MEIKIN: variants seen among roughly 807,000 people sequenced by gnomAD.
MEIKIN encodes the protein meiotic kinetochore factor.
At chr5:131,845,222 A>C (rs536832624) in intron 11 of MEIKIN, among the ~76,000 whole-genome samples, 4 of 139,756 alleles carry the variant, frequency 2.9e-5, no homozygotes, top group African/African-American at 1.1e-4. Context: ...GTGAGCCGAG[A>C]TGGCACCACT....
intron 8 of MEIKIN, among the ~76,000 whole-genome samples, chr5:131,882,935 C>A (rs1750722658): frequency 6.6e-6 from 1 of 152,182 alleles, no homozygotes; most frequent in African/African-American, 2.4e-5. Flanking sequence ...CTCAGAGAGG[C>A]CTATCCTGAT....
chr5:131,814,131 C>G (rs941289405), intron 12 of MEIKIN, among the ~76,000 whole-genome samples: 15 of 152,018 alleles, frequency 9.9e-5, no homozygotes, highest in African/African-American at 3.6e-4. Context: ...CTCTCCCAGT[C>G]CACTGACTCA....
At chr5:131,918,234 C>T (rs188078709) in intron 6 of MEIKIN, among the ~76,000 whole-genome samples, 1 of 152,246 alleles carries the variant, frequency 6.6e-6, no homozygotes, top group Non-Finnish European at 1.5e-5. Context: ...TGGATCCTAC[C>T]GATATCATTT....
intron 11 of MEIKIN, among the ~76,000 whole-genome samples, chr5:131,845,300 A>AAAAAAAAAAAAAAAAAAAAAAAAG (rs1749997608): frequency 6.7e-6 from 1 of 148,414 alleles, no homozygotes; most frequent in Admixed American, 6.7e-5. Flanking sequence ...AAAAAAAAAA[A>AAAAAAAAAAAAAAAAAAAAAAAAG]GATGGCAAAG....
chr5:131,896,936 T>C (rs953952033), intron 8 of MEIKIN, among the ~76,000 whole-genome samples: 4 of 152,236 alleles, frequency 2.6e-5, no homozygotes, highest in Admixed American at 2.0e-4. Flanking sequence ...TGATGTTAGC[T>C]GGTTATTTTG....
At chr5:131,885,474 GTC>G (rs1750778815) in intron 8 of MEIKIN, among the ~76,000 whole-genome samples, 1 of 151,554 alleles carries the variant, frequency 6.6e-6, no homozygotes, top group African/African-American at 2.4e-5. Context: ...AAGAAAAAGA[GTC>G]TCTGCCTGGT....
chr5:131,878,668 G>C (rs1038819944), intron 9 of MEIKIN, among the ~76,000 whole-genome samples: 3 of 152,038 alleles, frequency 2.0e-5, no homozygotes, highest in Non-Finnish European at 4.4e-5. Context: ...CCATGAGTTT[G>C]AGATGAGCCT....
chr5:131,898,416 A>T (rs1222216556), intron 8 of MEIKIN, among the ~76,000 whole-genome samples: 5 of 152,238 alleles, frequency 3.3e-5, no homozygotes, highest in Non-Finnish European at 7.3e-5. Flanking sequence ...GTCCATTCTC[A>T]GAGCTCAAAC....
rs866095246 is a variant in MEIKIN, at chr5:131,885,381, G to A, written c.704-6333C>T. ...AGAGAGAGAGAGAGAGAGAGAGAGA[G>A]AGAGAGAGAGAGAGAGAGAGAGAGA... On this transcript the variant is annotated intron_variant, in intron 8 of 12. Transcript: ENST00000442687. Among the ~76,000 whole-genome samples, 189 of 91,452 alleles carry A rather than the reference G, an allele frequency of 2.1e-3. 2 individuals carry two copies. The highest frequency in any genetic ancestry group is 7.0e-3 in the African/African-American group (155 of 22,008). The allele number at this position is 91,452 out of a possible 152,430, so 60.0% of individuals were successfully genotyped here. A position where few individuals can be genotyped will look rare whatever the true frequency, so the allele number is the denominator to read the frequency against.
chr5:131,843,685 G>A (rs987132087), intron 11 of MEIKIN, among the ~76,000 whole-genome samples: 22 of 152,146 alleles, frequency 1.4e-4, no homozygotes, highest in African/African-American at 5.3e-4. Context: ...TCATCAGCCT[G>A]GCCATCTCTG....
intron 11 of MEIKIN, among the ~76,000 whole-genome samples, chr5:131,828,228 T>C (rs927578934): frequency 1.3e-5 from 2 of 152,182 alleles, no homozygotes; most frequent in African/African-American, 2.4e-5. Context: ...CTCACAATCT[T>C]GGCTCACTGC....
intron 8 of MEIKIN, among the ~76,000 whole-genome samples, chr5:131,893,091 A>C (rs1303822683): frequency 6.6e-6 from 1 of 152,136 alleles, no homozygotes; most frequent in African/African-American, 2.4e-5. Context: ...ATCTCAGAGG[A>C]GTATGCGGCC....
chr5:131,875,400 T>A (rs535094155), intron 9 of MEIKIN, among the ~76,000 whole-genome samples: 1 of 152,142 alleles, frequency 6.6e-6, no homozygotes, highest in East Asian at 1.9e-4. Flanking sequence ...CACAATGGCT[T>A]CAAAGAGAAT....
At chr5:131,834,152 A>G (rs933693275) in intron 11 of MEIKIN, among the ~76,000 whole-genome samples, 171 of 152,362 alleles carry the variant, frequency 1.1e-3, no homozygotes, top group Admixed American at 3.3e-4. Context: ...GGAGAGGTGT[A>G]CTAAGTGTCC....
At position 131,818,757 on chromosome 5, in the gene MEIKIN, G is replaced by C; in HGVS notation, c.1082C>G (p.Pro361Arg). The change falls in exon 12 of 13, where the codon CCT (proline) becomes CGT (arginine). Residue 361 changes from proline to arginine, a missense_variant. Pro to Arg is a moderately radical substitution (Grantham distance 103). Transcript: ENST00000442687. ...TACAGTACCTTGAGGGGTATCCTTA[G>C]GAAGAGAATATTTCTTCTTCTTTAC... ...VIVKKKKYSL[P>R]KDTPQDIIIK... The C allele has an allele frequency of 2.5e-6, 1 of 397,958 alleles. No homozygotes were observed. The highest frequency in any genetic ancestry group is 4.4e-6 in the Non-Finnish European group (1 of 225,734). 24.7% of individuals were successfully genotyped at this position (397,958 alleles called of 1,614,324 possible).
At chr5:131,844,443 C>A (rs1749974527) in intron 11 of MEIKIN, among the ~76,000 whole-genome samples, 2 of 152,108 alleles carry the variant, frequency 1.3e-5, no homozygotes, top group South Asian at 4.1e-4. Flanking sequence ...GAATTTCTAG[C>A]CTGCAGTACA....
intron 4 of MEIKIN, among the ~76,000 whole-genome samples, chr5:131,938,835 G>A (rs1245410652): frequency 6.6e-6 from 1 of 152,152 alleles, no homozygotes; most frequent in African/African-American, 2.4e-5. Context: ...TACTTAAAAT[G>A]TCTGCTAATT....
At chr5:131,937,752 A>G (rs1286738413) in intron 4 of MEIKIN, among the ~76,000 whole-genome samples, 1 of 152,100 alleles carries the variant, frequency 6.6e-6, no homozygotes, top group African/African-American at 2.4e-5. Flanking sequence ...GTCCAATGCC[A>G]TTGATATTCT....
intron 9 of MEIKIN, among the ~76,000 whole-genome samples, chr5:131,871,942 C>T (rs1231763984): frequency 2.0e-5 from 3 of 152,144 alleles, no homozygotes; most frequent in Non-Finnish European, 4.4e-5. Flanking sequence ...AGGGTCCTGA[C>T]TGTTAGAAGG....
Sources: gnomAD v4.1 joint callset for allele counts (sites outside exome capture counted in the v4.1 genomes callset) on GRCh38, gnomAD v4.1.1 for gene constraint, MANE v1.5 for transcripts, NCBI Gene and HGNC (gene_info 2026-07-23, HGNC 2026-07-21) for gene names.